Variants in PTPRJ observed in about 807,000 individuals in gnomAD.
PTPRJ encodes receptor-type tyrosine-protein phosphatase eta.
In PTPRJ, 129 loss-of-function variants were observed where a neutral mutation model predicts 141.3. The ratio of observed to expected loss-of-function variants is 0.91; its 90% CI spans 0.79 to 1.06. The LOEUF is 1.06. Ranked by LOEUF, PTPRJ falls within the 50% of genes least tolerant of loss-of-function variation. The pLI is 0.00. For synonymous variants in PTPRJ, 610 were observed against 640.5 expected (o/e 0.95, Z 0.72); for missense variants, 1,601 against 1,679.7 (o/e 0.95, Z 0.82).
At chr11:47,984,709 C>T (rs1226999773) in intron 1 of PTPRJ, among the ~76,000 whole-genome samples, 2 of 152,074 alleles carry the variant, frequency 1.3e-5, no homozygotes, top group Non-Finnish European at 2.9e-5. Flanking sequence ...CAGGCGTATG[C>T]CGCCATACCT....
In PTPRJ at chr11:47,980,735, C is replaced by CGCCGCCGCT; in HGVS notation, c.-174_-166dup. 1 of 1,007,586 alleles carries CGCCGCCGCT rather than the reference C, an allele frequency of 9.9e-7. No homozygotes were observed. The highest frequency in any genetic ancestry group is 1.2e-6 in the Non-Finnish European group (1 of 846,514). 62.4% of individuals were successfully genotyped at this position (1,007,586 alleles called of 1,614,324 possible). A position where few individuals can be genotyped will look rare whatever the true frequency, so the allele number is the denominator to read the frequency against. On this transcript the variant is annotated 5_prime_UTR_variant, in exon 1 of 25. Coordinates refer to ENST00000418331, the MANE Select transcript of PTPRJ (RefSeq NM_002843.4). ...GGCTCCGGCGTGTGGCCGCGGCCGC[C>CGCCGCCGCT]GCCGCCGCTGCCATGTCTCCGGGGA...
intron 3 of PTPRJ, among the ~76,000 whole-genome samples, chr11:48,114,049 C>T (rs1053426442): frequency 2.0e-5 from 3 of 152,028 alleles, no homozygotes; most frequent in African/African-American, 7.2e-5. Flanking sequence ...CATTGTGATA[C>T]AATAGTTTTG....
chr11:48,043,799 A>G (rs764712170), intron 1 of PTPRJ, among the ~76,000 whole-genome samples: 1 of 152,152 alleles, frequency 6.6e-6, no homozygotes, highest in Non-Finnish European at 1.5e-5. Flanking sequence ...TACCGAGTGC[A>G]TGCCCTATGC....
At chr11:48,003,681 A>C (rs552498370) in intron 1 of PTPRJ, among the ~76,000 whole-genome samples, 2 of 152,306 alleles carry the variant, frequency 1.3e-5, no homozygotes, top group South Asian at 4.1e-4. Flanking sequence ...TTTGTAGTAA[A>C]GATGGGGTTT....
intron 1 of PTPRJ, among the ~76,000 whole-genome samples, chr11:47,991,011 C>T (rs113618854): frequency 0.089 from 13,537 of 151,842 alleles, 1,017 homozygotes; most frequent in Admixed American, 0.22. Flanking sequence ...TGAGCCACCG[C>T]GCCCGGCCCC....
At chr11:47,985,228 A>G (rs950875590) in intron 1 of PTPRJ, among the ~76,000 whole-genome samples, 2 of 152,106 alleles carry the variant, frequency 1.3e-5, no homozygotes, top group Admixed American at 1.3e-4. Context: ...ATTCACTGCA[A>G]TCTCAACCTC....
Position 48,088,155 on chromosome 11 carries a change from G to A in PTPRJ, c.97-21903G>A, listed in dbSNP as rs1263944261. ...GCCCAGGGTCAAATGCTGTGTACAC[G>A]CTTGGTCACTCTTCCCTTTCTTGAG... On this transcript the variant is annotated intron_variant, in intron 1 of 24. Transcript: ENST00000418331. Among the ~76,000 whole-genome samples the A allele has an allele frequency of 2.6e-5, 4 of 152,156 alleles. No homozygotes were observed. The East Asian group carries it at 7.7e-4, about 29-fold the overall frequency.
chr11:48,102,266 A>G (rs1033092207), intron 1 of PTPRJ, among the ~76,000 whole-genome samples: 5 of 152,206 alleles, frequency 3.3e-5, no homozygotes, highest in Admixed American at 3.3e-4. Flanking sequence ...TGACATTACT[A>G]GGGAATGGCT....
At chr11:48,147,395 AAAT>A (rs1387881001) in intron 15 of PTPRJ, among the ~76,000 whole-genome samples, 5 of 152,212 alleles carry the variant, frequency 3.3e-5, no homozygotes, top group Non-Finnish European at 5.9e-5. Flanking sequence ...AGGATTGAAT[AAAT>A]AAGGCACTTC....
At chr11:48,097,917 C>T (rs903553605) in intron 1 of PTPRJ, among the ~76,000 whole-genome samples, 2 of 152,082 alleles carry the variant, frequency 1.3e-5, no homozygotes, top group Non-Finnish European at 2.9e-5. Context: ...GCTTTCACTC[C>T]GTCCCTAGAG....
intron 3 of PTPRJ, among the ~76,000 whole-genome samples, chr11:48,113,363 A>T (rs1443075685): frequency 6.6e-6 from 1 of 152,220 alleles, no homozygotes; most frequent in Non-Finnish European, 1.5e-5. Flanking sequence ...TTTCTACAGG[A>T]CAGTTTTAAT....
At chr11:48,036,687 C>G (rs2134231091) in intron 1 of PTPRJ, among the ~76,000 whole-genome samples, 1 of 152,246 alleles carries the variant, frequency 6.6e-6, no homozygotes, top group East Asian at 1.9e-4. Flanking sequence ...GAAATGAGTT[C>G]ACTGAGAATA....
At chr11:48,009,408 C>T (rs1305493399) in intron 1 of PTPRJ, among the ~76,000 whole-genome samples, 1 of 152,096 alleles carries the variant, frequency 6.6e-6, no homozygotes, top group Non-Finnish European at 1.5e-5. Context: ...CCATCCTGGC[C>T]AGTATGGCGA....
At chr11:48,131,051 C>CACATATAT (rs1286082298) in intron 8 of PTPRJ, among the ~76,000 whole-genome samples, 31 of 112,086 alleles carry the variant, frequency 2.8e-4, no homozygotes, top group African/African-American at 1.2e-3. Flanking sequence ...CACACACACA[C>CACATATAT]ATATATATAT....
At chr11:48,161,356 CT>C (rs1191281963) in intron 22 of PTPRJ, among the ~76,000 whole-genome samples, 1 of 151,914 alleles carries the variant, frequency 6.6e-6, no homozygotes, top group Non-Finnish European at 1.5e-5. Context: ...AATCTTGAAT[CT>C]TTTGGGTGGG....
At chr11:48,023,903 A>G (rs1853731414) in intron 1 of PTPRJ, among the ~76,000 whole-genome samples, 1 of 152,042 alleles carries the variant, frequency 6.6e-6, no homozygotes. Flanking sequence ...CAAAACCAGA[A>G]TTTTGATTAT....
At position 48,146,937 on chromosome 11, in the gene PTPRJ, A is replaced by G. The variant is rs1274836625; in HGVS notation, c.2973A>G (p.Gly991=). 6.2e-7 allele frequency: 1 copy of G among 1,614,042 alleles called. No individual in the cohort carries two copies. Among genetic ancestry groups the G allele is most frequent in the Non-Finnish European group, 8.5e-7 (1 of 1,179,964 alleles). The change falls in exon 15 of 25, where the codon GGA becomes GGG. Residue 991 remains glycine (G), a synonymous_variant. Transcript: ENST00000418331. ...IFGALVIVTV[G]GFIFWRKKRK... ...GTGCCCTGGTTATTGTGACTGTGGG[A>G]GGCTTCATCTTCTGGAGAAAGAAGA...
In PTPRJ at chr11:48,100,907, A is replaced by G. The variant is rs146391611; in HGVS notation, c.97-9151A>G. On this transcript the variant is annotated intron_variant, in intron 1 of 24. Coordinates refer to ENST00000418331, the MANE Select transcript of PTPRJ (RefSeq NM_002843.4). Reference sequence around the variant, plus strand: ...CAAAAAGAAAAAAAAAAAAAAAAAGATCAAATAGACTTCCAAGTGCCCATG... The same window carrying G: ...CAAAAAGAAAAAAAAAAAAAAAAAGGTCAAATAGACTTCCAAGTGCCCATG... Among the ~76,000 whole-genome samples, 1,408 of 149,826 alleles carry G rather than the reference A, an allele frequency of 9.4e-3. 17 individuals carry two copies. Among genetic ancestry groups the G allele is most frequent in the African/African-American group, 0.033 (1,336 of 40,918 alleles).
chr11:48,091,908 G>C (rs562210760), intron 1 of PTPRJ, among the ~76,000 whole-genome samples: 11 of 152,298 alleles, frequency 7.2e-5, no homozygotes, highest in South Asian at 6.2e-4. Flanking sequence ...GCTGGTCTGT[G>C]GGGTAGAGGT....
Sources: allele counts gnomAD v4.1 joint callset (sites outside exome capture counted in the v4.1 genomes callset), GRCh38; gene constraint gnomAD v4.1.1; transcripts MANE v1.5; gene names NCBI Gene and HGNC (gene_info 2026-07-23, HGNC 2026-07-21).